Variants in DNAJC21 observed in about 807,000 individuals in gnomAD.
DNAJC21 encodes DnaJ heat shock protein family (Hsp40) member C21, also known as dnaJ homolog subfamily C member 21.
A neutral mutation model predicts 72.4 loss-of-function variants in DNAJC21; 63 were observed. The observed-to-expected ratio is 0.87, with a 90% CI of 0.71 to 1.07. The LOEUF is 1.07. Among genes scored for constraint, DNAJC21 ranks in the 50% least tolerant of loss-of-function variants. The pLI is 0.00. For synonymous variants in DNAJC21, 203 were observed against 216.7 expected (o/e 0.94, Z 0.56); for missense variants, 634 against 644.8 (o/e 0.98, Z 0.18).
At chr5:34,952,026 TCCCCTGGATC>T (rs1177454192) in intron 10 of DNAJC21, 2 of 985,268 alleles carry the variant, frequency 2.0e-6, no homozygotes, top group African/African-American at 3.5e-5. Flanking sequence ...CACTCTGCTG[TCCCCTGGATC>T]CAGGGCCTTT....
chr5:34,937,410 G>T lies in DNAJC21; in HGVS notation c.523G>T (p.Ala175Ser). 1.9e-6 allele frequency: 3 copies of T among 1,614,144 alleles called. No individual in the cohort carries two copies. The highest frequency in any genetic ancestry group is 2.5e-6 in the Non-Finnish European group (3 of 1,180,032). The change falls in exon 5 of 12, where the codon GCT (alanine) becomes TCT (serine). Residue 175 changes from alanine to serine, a missense_variant. By Grantham distance (99) the Ala-to-Ser change is moderately conservative. Transcript: ENST00000648817. The part of the protein sequence containing the change: ...AWKEEYDTRQ[A>S]SNRWEKRAME... The stretch of plus-strand genomic sequence containing the variant: ...GAAGGAAGAATATGATACACGACAG[G>T]CTTCAAACCGCTGGGAAAAACGAGC...
chr5:34,948,648 C>G (rs1376152937), intron 9 of DNAJC21, among the ~76,000 whole-genome samples: 2 of 152,180 alleles, frequency 1.3e-5, no homozygotes, highest in Non-Finnish European at 2.9e-5. Flanking sequence ...GGGTGGATCA[C>G]AAAGTCAGGA....
intron 10 of DNAJC21, chr5:34,952,647 A>G (rs1162746549): frequency 6.6e-6 from 1 of 152,204 alleles, no homozygotes; most frequent in Non-Finnish European, 1.5e-5. Flanking sequence ...GTTCAAGCAG[A>G]ACAAGAGGAA....
chr5:34,930,009 A>C (rs553206915), intron 1 of DNAJC21, 93 bp downstream of exon 1: 19 of 1,028,884 alleles, frequency 1.8e-5, no homozygotes, highest in Non-Finnish European at 2.4e-5. Flanking sequence ...CGGAGCCAGC[A>C]GAGAGGGACC....
intron 10 of DNAJC21, chr5:34,951,272 T>C: frequency 2.0e-6 from 2 of 985,438 alleles, no homozygotes; most frequent in Non-Finnish European, 2.4e-6. Flanking sequence ...TGTATTTCAC[T>C]CTGACACCAG....
chr5:34,947,268 C>T (rs1765200904), intron 9 of DNAJC21, among the ~76,000 whole-genome samples: 1 of 152,168 alleles, frequency 6.6e-6, no homozygotes, highest in Non-Finnish European at 1.5e-5. Context: ...ACATAGTACT[C>T]TGACTGAATA....
At chr5:34,934,629 G>A (rs1054676642) in intron 2 of DNAJC21, among the ~76,000 whole-genome samples, 1 of 152,036 alleles carries the variant, frequency 6.6e-6, no homozygotes, top group African/African-American at 2.4e-5. Flanking sequence ...TACTAATGAT[G>A]GTGTGATCAT....
Position 34,950,320 on chromosome 5 carries a change from G to A in DNAJC21, c.1336G>A (p.Asp446Asn). 3 of 1,608,318 alleles carry A rather than the reference G, an allele frequency of 1.9e-6. No individual in the cohort carries two copies. The highest frequency in any genetic ancestry group is 1.1e-5 in the South Asian group (1 of 89,004). Reference protein sequence around the residue: ...SVTEIIKPCDDPKSEAKSVPK... With the variant: ...SVTEIIKPCDNPKSEAKSVPK... ...CACAGAGATCATTAAACCATGTGATGATCCAAAAAGTGAAGCTAAAAGGTA... is the reference window on the plus strand; with the variant it reads ...CACAGAGATCATTAAACCATGTGATAATCCAAAAAGTGAAGCTAAAAGGTA... The change falls in exon 10 of 12, where the codon GAT becomes AAT. Residue 446 changes from aspartate (D) to asparagine (N), a missense_variant. By Grantham distance (23) the Asp-to-Asn change is conservative. Coordinates refer to ENST00000648817, the MANE Select transcript of DNAJC21 (RefSeq NM_001012339.3).
intron 9 of DNAJC21, among the ~76,000 whole-genome samples, chr5:34,948,117 C>G (rs1287574760): frequency 6.6e-6 from 1 of 151,928 alleles, no homozygotes; most frequent in Non-Finnish European, 1.5e-5. Context: ...GAGGGAAATA[C>G]AAATATAAAT....
rs1373259266 is a variant in DNAJC21, at chr5:34,929,760, C to T, written c.-60C>T. 5 of 930,116 alleles carry T rather than the reference C, an allele frequency of 5.4e-6. No individual in the cohort carries two copies. The highest frequency in any genetic ancestry group is 5.3e-6 in the Non-Finnish European group (4 of 760,406). The allele number at this position is 930,116 out of a possible 1,614,324, so 57.6% of individuals were successfully genotyped here. On this transcript the variant is annotated 5_prime_UTR_variant, in exon 1 of 12. Transcript: ENST00000648817. ...GCGCCGCCGCCGCCGCCGCTTCGGC[C>T]CGGGCCCGGGCCCCGACCCCGTCCC... is the stretch of plus-strand genomic sequence containing the variant.
chr5:34,936,235 C>T lies in DNAJC21; in HGVS notation c.407C>T (p.Thr136Ile), dbSNP rs767193050. ...GAGGAAGAGGTTGATGATTTCCCAA[C>T]TTTTGGAGACTCCCAGAGTGACTAT... Reference protein sequence around the residue: ...VLEEEVDDFPTFGDSQSDYDT... With the variant: ...VLEEEVDDFPIFGDSQSDYDT... Residue 136 changes from threonine to isoleucine, a missense_variant, in exon 4 of 12, where the codon ACT becomes ATT. Physicochemically the swap from Thr to Ile is moderately conservative, Grantham distance 89 (BLOSUM62 -1). Coordinates refer to ENST00000648817, the MANE Select transcript of DNAJC21 (RefSeq NM_001012339.3). The T allele has an allele frequency of 6.2e-7, 1 of 1,613,998 alleles. No homozygotes were observed. The highest frequency in any genetic ancestry group is 8.5e-7 in the Non-Finnish European group (1 of 1,179,970).
intron 1 of DNAJC21, 37 bp from the exon 2 acceptor site, chr5:34,933,778 C>T (rs770431924): frequency 1.9e-5 from 29 of 1,551,414 alleles, no homozygotes; most frequent in Middle Eastern, 1.7e-4. Flanking sequence ...CTGTCCTGTA[C>T]GTTTTTGATT....
intron 2 of DNAJC21, among the ~76,000 whole-genome samples, chr5:34,934,721 T>C (rs771248577): frequency 6.6e-6 from 1 of 152,160 alleles, no homozygotes; most frequent in Non-Finnish European, 1.5e-5. Context: ...TACAAGGAAA[T>C]AGGTTTTAAG....
At chr5:34,954,459 C>T (rs1333040873) in intron 11 of DNAJC21, 94 bp from the exon 12 acceptor site, 12 of 1,393,368 alleles carry the variant, frequency 8.6e-6, no homozygotes, top group Non-Finnish European at 1.2e-5. Context: ...CTTTATTTTA[C>T]AATTGTTTGA....
chr5:34,939,609 T>G (rs1250309117), intron 6 of DNAJC21, among the ~76,000 whole-genome samples: 1 of 152,200 alleles, frequency 6.6e-6, no homozygotes, highest in Non-Finnish European at 1.5e-5. Context: ...TAGGTCAAGT[T>G]TTAATAGTAA....
chr5:34,944,048 A>C (rs1765089114), intron 7 of DNAJC21, among the ~76,000 whole-genome samples: 1 of 152,228 alleles, frequency 6.6e-6, no homozygotes, highest in Non-Finnish European at 1.5e-5. Flanking sequence ...CTATAATACC[A>C]AAAGCCTGAA....
chr5:34,946,338 T>C (rs893503151), intron 9 of DNAJC21, among the ~76,000 whole-genome samples: 2 of 152,166 alleles, frequency 1.3e-5, no homozygotes, highest in African/African-American at 4.8e-5. Flanking sequence ...AGGACTATTT[T>C]TAAATAAAAT....
At chr5:34,943,225 A>G (rs1397868656) in intron 7 of DNAJC21, among the ~76,000 whole-genome samples, 1 of 152,244 alleles carries the variant, frequency 6.6e-6, no homozygotes, top group Non-Finnish European at 1.5e-5. Context: ...ATTTTTCTCC[A>G]ATACAGAATG....
At chr5:34,944,014 A>G (rs1169794959) in intron 7 of DNAJC21, among the ~76,000 whole-genome samples, 1 of 152,210 alleles carries the variant, frequency 6.6e-6, no homozygotes, top group African/African-American at 2.4e-5. Context: ...GAATTTTAGT[A>G]GGAAAGAAAA....
Sources: allele counts gnomAD v4.1 joint callset (sites outside exome capture counted in the v4.1 genomes callset), GRCh38; gene constraint gnomAD v4.1.1; transcripts MANE v1.5; gene names NCBI Gene and HGNC (gene_info 2026-07-23, HGNC 2026-07-21).